Variants in RTTN observed in about 807,000 individuals in gnomAD.
RTTN encodes rotatin.
Under a neutral mutation model 269.2 loss-of-function variants are expected in RTTN, and 182 were observed. The ratio of observed to expected loss-of-function variants is 0.68; its 90% CI spans 0.60 to 0.76. The LOEUF is 0.76. RTTN is among the 30% of genes least tolerant of loss of function. The pLI is 0.00. For missense variants in RTTN, 2,545 were observed against 2,608.6 expected, an observed-to-expected ratio of 0.98 and a Z score of 0.53; for synonymous variants, 1,006 against 963.5, an observed-to-expected ratio of 1.04 and a Z score of -0.82.
At chr18:70,201,395 G>A (rs1185658190) in intron 4 of RTTN, among the ~76,000 whole-genome samples, 1 of 151,666 alleles carries the variant, frequency 6.6e-6, no homozygotes, top group South Asian at 2.1e-4. Flanking sequence ...GAGGTCAGGA[G>A]ATCGAGACCA....
Position 70,114,609 on chromosome 18 carries a change from G to T in RTTN, c.3529-10C>A, listed in dbSNP as rs1568406168. ...ACAGTGGGTTTGCACTCTAAAAAATGAAATTTGTAAAAAATGTATTTACTA... is the reference window on the plus strand; with the variant it reads ...ACAGTGGGTTTGCACTCTAAAAAATTAAATTTGTAAAAAATGTATTTACTA... On this transcript the variant is annotated splice_polypyrimidine_tract_variant and intron_variant, in intron 26 of 48. Coordinates refer to ENST00000640769, the MANE Select transcript of RTTN (RefSeq NM_173630.4). 1 of 1,602,632 alleles carries T rather than the reference G, an allele frequency of 6.2e-7. No individual in the cohort carries two copies. The highest frequency in any genetic ancestry group is 2.2e-5 in the East Asian group (1 of 44,796).
intron 17 of RTTN, among the ~76,000 whole-genome samples, chr18:70,146,011 A>G (rs894148662): frequency 2.0e-5 from 3 of 152,240 alleles, no homozygotes; most frequent in Non-Finnish European, 4.4e-5. Context: ...ACAAAAAATA[A>G]TAACTACAAA....
At chr18:70,029,335 C>T (rs2056947093) in intron 42 of RTTN, among the ~76,000 whole-genome samples, 1 of 152,154 alleles carries the variant, frequency 6.6e-6, no homozygotes, top group South Asian at 2.1e-4. Flanking sequence ...TATATTTATA[C>T]TATTCACACA....
At chr18:70,069,112 A>C (rs2145004132) in intron 34 of RTTN, among the ~76,000 whole-genome samples, 1 of 152,202 alleles carries the variant, frequency 6.6e-6, no homozygotes, top group Middle Eastern at 3.4e-3. Flanking sequence ...AATATGGTTA[A>C]TATGGTCTAA....
At chr18:70,109,348 TA>T in intron 28 of RTTN, 149 bp downstream of exon 28, 1 of 567,634 alleles carries the variant, frequency 1.8e-6, no homozygotes, top group East Asian at 2.9e-5. Context: ...TAACTATTAA[TA>T]AAAATCACTA....
At chr18:70,108,778 A>G (rs538537320) in intron 28 of RTTN, among the ~76,000 whole-genome samples, 1 of 152,144 alleles carries the variant, frequency 6.6e-6, no homozygotes, top group Non-Finnish European at 1.5e-5. Context: ...TACAGAAAAA[A>G]GCAATATACA....
intron 23 of RTTN, 119 bp from the exon 24 acceptor site, chr18:70,128,665 C>A: frequency 1.4e-6 from 1 of 693,422 alleles, no homozygotes; most frequent in Non-Finnish European, 2.5e-6. Context: ...GCAAAGGTTT[C>A]TCTTAGTCCC....
chr18:70,051,852 G>A (rs2057680301), intron 38 of RTTN, among the ~76,000 whole-genome samples: 2 of 152,156 alleles, frequency 1.3e-5, no homozygotes. Context: ...AGCCATGACT[G>A]CAGAACTACA....
chr18:70,062,420 G>C (rs1191798679), intron 35 of RTTN, among the ~76,000 whole-genome samples: 1 of 151,706 alleles, frequency 6.6e-6, no homozygotes, highest in Non-Finnish European at 1.5e-5. Flanking sequence ...TTCATTTCCA[G>C]CTGTTCCTTC....
intron 46 of RTTN, 64 bp from the exon 47 acceptor site, chr18:70,006,548 G>A (rs2056193853): frequency 8.4e-7 from 1 of 1,188,432 alleles, no homozygotes; most frequent in Non-Finnish European, 1.2e-6. Flanking sequence ...TCTTATCTTG[G>A]ACTAGTCAGA....
intron 26 of RTTN, among the ~76,000 whole-genome samples, chr18:70,118,413 C>A (rs1334100131): frequency 1.3e-5 from 2 of 151,972 alleles, no homozygotes; most frequent in Non-Finnish European, 2.9e-5. Flanking sequence ...AAAATCTGAA[C>A]AGACCAATAA....
chr18:70,133,093 T>C (rs1470555546), intron 23 of RTTN, among the ~76,000 whole-genome samples: 2 of 152,142 alleles, frequency 1.3e-5, no homozygotes, highest in Non-Finnish European at 2.9e-5. Flanking sequence ...GTGGCTCTTA[T>C]AAGCAACCTG....
intron 35 of RTTN, 25 bp from the exon 36 acceptor site, chr18:70,060,067 AT>A: frequency 6.4e-7 from 1 of 1,560,098 alleles, no homozygotes; most frequent in Non-Finnish European, 8.7e-7. Flanking sequence ...AAACATAAGA[AT>A]TATTATTTAC....
At chr18:70,108,475 C>T (rs1447636282) in intron 28 of RTTN, among the ~76,000 whole-genome samples, 1 of 152,076 alleles carries the variant, frequency 6.6e-6, no homozygotes, top group Non-Finnish European at 1.5e-5. Context: ...CTTACAATCT[C>T]ACATTCTCCC....
intron 5 of RTTN, 134 bp from the exon 6 acceptor site, chr18:70,197,872 C>A: frequency 3.2e-6 from 2 of 624,172 alleles, no homozygotes; most frequent in Non-Finnish European, 2.8e-6. Context: ...AAAAGCCTTC[C>A]TAGATCTTTT....
intron 33 of RTTN, chr18:70,075,129 C>A: frequency 2.9e-6 from 1 of 345,858 alleles, no homozygotes; most frequent in Non-Finnish European, 5.1e-6. Context: ...GAAGGAAATA[C>A]AAAAATGTAC....
chr18:70,138,767 G>C (rs1050435792), intron 21 of RTTN: 12 of 152,074 alleles, frequency 7.9e-5, no homozygotes, highest in Non-Finnish European at 1.6e-4. Context: ...AAGCCAACAG[G>C]AGGAAAAGAT....
At chr18:70,063,505 A>G (rs1299779373) in intron 35 of RTTN, among the ~76,000 whole-genome samples, 2 of 152,170 alleles carry the variant, frequency 1.3e-5, no homozygotes, top group African/African-American at 4.8e-5. Flanking sequence ...GTTCGAGACT[A>G]CAATGAGCTA....
intron 43 of RTTN, among the ~76,000 whole-genome samples, chr18:70,027,277 T>C (rs1380371838): frequency 6.6e-6 from 1 of 152,306 alleles, no homozygotes; most frequent in East Asian, 1.9e-4. Context: ...AATTACCCAA[T>C]AGTGGCCAAC....
Sources: allele counts gnomAD v4.1 joint callset (sites outside exome capture counted in the v4.1 genomes callset), GRCh38; gene constraint gnomAD v4.1.1; transcripts MANE v1.5; gene names NCBI Gene and HGNC (gene_info 2026-07-23, HGNC 2026-07-21).